Variants in CLASP1 observed in about 807,000 individuals in gnomAD.
The protein encoded by CLASP1 is cytoplasmic linker associated protein 1, also known as CLIP-associating protein 1.
In CLASP1, 38 loss-of-function variants were observed where a neutral mutation model predicts 192.3. The ratio of observed to expected loss-of-function variants is 0.20; its 90% confidence interval spans 0.15 to 0.26. The LOEUF is 0.26. CLASP1 is among the 10% of genes least tolerant of loss of function. The pLI is 1.00. For missense variants in CLASP1, 1,433 were observed against 1,932.5 expected (o/e 0.74, Z 4.85); for synonymous variants, 691 against 712.8 (o/e 0.97, Z 0.49).
At chr2:121,582,780 T>C (rs988615083) in intron 2 of CLASP1, among the ~76,000 whole-genome samples, 6 of 149,646 alleles carry the variant, frequency 4.0e-5, no homozygotes, top group African/African-American at 7.3e-5. Flanking sequence ...TTTCTTTCTT[T>C]CTTCCTTTTT....
chr2:121,435,414 A>G (rs996379080), intron 19 of CLASP1, among the ~76,000 whole-genome samples: 31 of 152,238 alleles, frequency 2.0e-4, no homozygotes, highest in African/African-American at 7.5e-4. Context: ...AGCTGGGAAT[A>G]CAGGCATGTG....
At chr2:121,427,609 T>C (rs1205325590) in intron 20 of CLASP1, 179 bp from the exon 21 acceptor site, 4 of 659,876 alleles carry the variant, frequency 6.1e-6, no homozygotes, top group Non-Finnish European at 1.1e-5. Flanking sequence ...ATCTTTGTCA[T>C]TCTACATTAG....
intron 2 of CLASP1, among the ~76,000 whole-genome samples, chr2:121,581,976 A>T (rs915759846): frequency 6.6e-6 from 1 of 152,126 alleles, no homozygotes; most frequent in African/African-American, 2.4e-5. Flanking sequence ...TGAGGCCAGG[A>T]GTTCAAGACC....
intron 16 of CLASP1, among the ~76,000 whole-genome samples, 165 bp downstream of exon 16, chr2:121,450,748 T>TA (rs2085312015): frequency 6.6e-6 from 1 of 152,112 alleles, no homozygotes; most frequent in African/African-American, 2.4e-5. Context: ...GTGATGTTAT[T>TA]AAAAAAAGAG....
At chr2:121,498,197 G>GTTTATTTT in intron 8 of CLASP1, among the ~76,000 whole-genome samples, 1 of 114,562 alleles carries the variant, frequency 8.7e-6, no homozygotes, top group African/African-American at 4.9e-5. Flanking sequence ...ATAGGTAATA[G>GTTTATTTT]TTTCTTTTTT....
At chr2:121,605,738 C>T (rs2064348098) in exon 2 of CLASP1, 1 of 1,613,848 alleles carries the variant, frequency 6.2e-7, no homozygotes, top group African/African-American at 1.3e-5. Context: ...GGTAGCAAGT[C>T]CATCCACAAG....
chr2:121,381,920 G>A (rs1037989848), intron 33 of CLASP1, among the ~76,000 whole-genome samples: 2 of 152,164 alleles, frequency 1.3e-5, no homozygotes, highest in African/African-American at 2.4e-5. Context: ...CTTTCTGGGG[G>A]CTGAGCACTG....
intron 1 of CLASP1, among the ~76,000 whole-genome samples, chr2:121,640,292 C>T (rs1400985204): frequency 5.3e-5 from 8 of 152,098 alleles, no homozygotes; most frequent in South Asian, 2.1e-4. Flanking sequence ...ATGGGTGCAG[C>T]GGGCCAGCAT....
intron 8 of CLASP1, among the ~76,000 whole-genome samples, chr2:121,476,228 A>C (rs1475218129): frequency 6.6e-6 from 1 of 152,188 alleles, no homozygotes; most frequent in African/African-American, 2.4e-5. Context: ...AGGGATAGCC[A>C]GGGCCAGCAC....
chr2:121,526,076 A>G, intron 5 of CLASP1, 156 bp from the exon 6 acceptor site: 2 of 625,598 alleles, frequency 3.2e-6, no homozygotes, highest in Non-Finnish European at 5.7e-6. Context: ...TCCAAAGTAA[A>G]TGTGTCCGAT....
At chr2:121,478,972 CCA>C (rs2092298717) in intron 8 of CLASP1, among the ~76,000 whole-genome samples, 4 of 55,792 alleles carry the variant, frequency 7.2e-5, no homozygotes, top group East Asian at 7.5e-4. Context: ...ACCACACACA[CCA>C]CACACACACC....
chr2:121,513,562 G>A (rs1353180929), intron 7 of CLASP1, among the ~76,000 whole-genome samples: 2 of 152,146 alleles, frequency 1.3e-5, no homozygotes, highest in Non-Finnish European at 2.9e-5. Context: ...ACTGTGTTGG[G>A]GATCTCCAGG....
chr2:121,459,102 T>A (rs949186071), intron 12 of CLASP1, 127 bp from the exon 13 acceptor site: 1 of 611,316 alleles, frequency 1.6e-6, no homozygotes, highest in African/African-American at 1.9e-5. Flanking sequence ...AGATTTCCGA[T>A]GTGCATGTTA....
chr2:121,340,940 A>T (rs2149074400), exon 40 of CLASP1: 2 of 1,602,192 alleles, frequency 1.2e-6, no homozygotes, highest in Admixed American at 1.7e-5. Flanking sequence ...TAAGTTTAGT[A>T]GCTTCATCTG....
At chr2:121,393,649 T>A (rs1170278646) in intron 30 of CLASP1, among the ~76,000 whole-genome samples, 1 of 152,144 alleles carries the variant, frequency 6.6e-6, no homozygotes. Context: ...CAACTATATT[T>A]ATAAATGTTC....
At chr2:121,607,125 T>A (rs777652885) in intron 1 of CLASP1, among the ~76,000 whole-genome samples, 1 of 151,798 alleles carries the variant, frequency 6.6e-6, no homozygotes, top group Non-Finnish European at 1.5e-5. Context: ...GCGGATCACC[T>A]GAGGTTAGGA....
chr2:121,475,540 A>G (rs2150016802), intron 8 of CLASP1, among the ~76,000 whole-genome samples: 1 of 152,290 alleles, frequency 6.6e-6, no homozygotes, highest in South Asian at 2.1e-4. Flanking sequence ...ACGTTACAGT[A>G]TTTCTCAGCT....
chr2:121,515,703 C>T, exon 7 of CLASP1: 1 of 1,613,974 alleles, frequency 6.2e-7, no homozygotes, highest in Non-Finnish European at 8.5e-7. Flanking sequence ...GATCTGCCCT[C>T]ACACGTTCTC....
At chr2:121,620,661 A>C (rs1318146672) in intron 1 of CLASP1, among the ~76,000 whole-genome samples, 1 of 152,066 alleles carries the variant, frequency 6.6e-6, no homozygotes, top group Non-Finnish European at 1.5e-5. Context: ...ACTTCTTTTC[A>C]TGGATGTACT....
Sources: allele counts gnomAD v4.1 joint callset (sites outside exome capture counted in the v4.1 genomes callset), GRCh38; gene constraint gnomAD v4.1.1; transcripts MANE v1.5; gene names NCBI Gene and HGNC (gene_info 2026-07-23, HGNC 2026-07-21).